FHAD1: variants seen among roughly 807,000 people sequenced by gnomAD.
FHAD1 encodes the protein forkhead-associated domain-containing protein 1.
A neutral mutation model predicts 191.3 loss-of-function variants in FHAD1; 146 were observed. That is an observed-to-expected ratio of 0.76 (90% confidence interval 0.67 to 0.88). The LOEUF (loss-of-function observed/expected upper bound fraction) is 0.88, where lower values mean the gene tolerates loss of function less well. FHAD1 is among the 40% of genes least tolerant of loss of function. The pLI, the probability that FHAD1 is intolerant of heterozygous loss-of-function variation, is 0.00. For synonymous variants in FHAD1, 616 were observed against 672.3 expected (o/e 0.92, Z 1.29); for missense variants, 1,635 against 1,785.8 (o/e 0.92, Z 1.52).
At chr1:15,242,713 G>A (rs1645534049), upstream of FHAD1, among the ~76,000 whole-genome samples, 1 of 152,178 alleles carries the variant, frequency 6.6e-6, no homozygotes, top group Non-Finnish European at 1.5e-5. Context: ...CAGAGATCAG[G>A]TTTGTTCTGG....
At position 15,345,106 on chromosome 1, in the gene FHAD1, A is replaced by G; in HGVS notation, c.2154A>G (p.Gln718=). 1 of 1,551,802 alleles carries G rather than the reference A, an allele frequency of 6.4e-7. No homozygotes were observed. Among genetic ancestry groups the G allele is most frequent in the South Asian group, 1.2e-5 (1 of 84,048 alleles). Residue 718 remains glutamine, a synonymous_variant, in exon 17 of 34, where the codon CAA becomes CAG. Coordinates refer to ENST00000688493, the MANE Select transcript of FHAD1 (RefSeq NM_001391957.1). ...EKAALEEYIT[Q]ERNRAKETLE... ...AGGCTTTGGAGGAGTACATTACTCA[A>G]GAGAGAAACAGAGCGAAAGAGACTT...
chr1:15,288,411 A>G (rs1663269164), intron 3 of FHAD1, among the ~76,000 whole-genome samples: 1 of 152,260 alleles, frequency 6.6e-6, no homozygotes, highest in Non-Finnish European at 1.5e-5. Flanking sequence ...CAGCTGGAGC[A>G]TCTTCCCCGG....
chr1:15,361,308 G>A (rs572694888), intron 22 of FHAD1, among the ~76,000 whole-genome samples: 63 of 152,140 alleles, frequency 4.1e-4, no homozygotes, highest in Non-Finnish European at 7.6e-4. Context: ...GGACTGTCCT[G>A]GGCACTATCA....
intron 16 of FHAD1, among the ~76,000 whole-genome samples, chr1:15,343,508 C>A (rs1687645468): frequency 6.6e-6 from 1 of 152,126 alleles, no homozygotes; most frequent in Non-Finnish European, 1.5e-5. Context: ...CAGACCTCTC[C>A]CTCTTTCATC....
intron 7 of FHAD1, among the ~76,000 whole-genome samples, chr1:15,310,993 G>GA (rs894525692): frequency 1.3e-5 from 2 of 152,092 alleles, no homozygotes; most frequent in Non-Finnish European, 2.9e-5. Context: ...CAAACAAACA[G>GA]AAAAAAATGT....
chr1:15,273,442 C>G (rs1656977048), intron 3 of FHAD1, among the ~76,000 whole-genome samples: 1 of 152,020 alleles, frequency 6.6e-6, no homozygotes, highest in Admixed American at 6.6e-5. Flanking sequence ...TTGCCACAAC[C>G]AAGACATTAA....
chr1:15,315,322 T>C (rs1302455164), intron 8 of FHAD1: 3 of 152,092 alleles, frequency 2.0e-5, no homozygotes, highest in South Asian at 2.1e-4. Flanking sequence ...GTAACAGATA[T>C]ATAACAACAA....
chr1:15,284,401 C>A (rs1219409946), intron 3 of FHAD1, among the ~76,000 whole-genome samples: 1 of 150,860 alleles, frequency 6.6e-6, no homozygotes, highest in African/African-American at 2.4e-5. Flanking sequence ...ATGGCATGAA[C>A]CCGTGAGGCG....
At chr1:15,297,375 C>T (rs1667307746) in intron 5 of FHAD1, among the ~76,000 whole-genome samples, 1 of 152,198 alleles carries the variant, frequency 6.6e-6, no homozygotes, top group Non-Finnish European at 1.5e-5. Context: ...ATATGATAAT[C>T]GACTACTTTT....
chr1:15,338,635 TGTTCTGAAGCGCCCTCCCCC>T (rs1390700690), intron 14 of FHAD1, among the ~76,000 whole-genome samples: 2 of 152,138 alleles, frequency 1.3e-5, no homozygotes, highest in East Asian at 1.9e-4. Flanking sequence ...CGCGCACCCC[TGTTCTGAAGCGCCCTCCCCC>T]GGCTCTCTGA....
intron 16 of FHAD1, 99 bp from the exon 17 acceptor site, chr1:15,344,984 T>G: frequency 2.3e-6 from 2 of 864,760 alleles, no homozygotes; most frequent in Non-Finnish European, 3.7e-6. Context: ...CCCAGGGGAG[T>G]GCGGTGAGGA....
chr1:15,241,202 T>C (rs1230206775), intron 1 of FHAD1, among the ~76,000 whole-genome samples: 3 of 152,102 alleles, frequency 2.0e-5, no homozygotes, highest in Non-Finnish European at 1.5e-5. Flanking sequence ...ACCAATACAA[T>C]GGAATACGAC....
chr1:15,312,927 T>C lies in FHAD1; in HGVS notation c.1040-130T>C, dbSNP rs1672737176. Reference sequence around the variant, plus strand: ...GCAGTGGATATTGGTCTCAACCCCATTCAAGCTCCTGGGATCCTTGGAGAC... The same window carrying C: ...GCAGTGGATATTGGTCTCAACCCCACTCAAGCTCCTGGGATCCTTGGAGAC... On this transcript the variant is annotated intron_variant, in intron 7 of 33. Coordinates refer to ENST00000688493, the MANE Select transcript of FHAD1 (RefSeq NM_001391957.1). This position sits in a 1 kb window ranked among gnomAD's most constrained non-coding sequence, Gnocchi z 4.7. The C allele has an allele frequency of 8.6e-7, 1 of 1,165,406 alleles. No individual in the cohort carries two copies. Among genetic ancestry groups the C allele is most frequent in the East Asian group, 2.6e-5 (1 of 38,678 alleles). 72.2% of individuals were successfully genotyped at this position (1,165,406 alleles called of 1,614,324 possible). A position where few individuals can be genotyped will look rare whatever the true frequency, so the allele number is the denominator to read the frequency against.
At chr1:15,255,645 CAG>C (rs1425961701) in intron 2 of FHAD1, among the ~76,000 whole-genome samples, 2 of 151,452 alleles carry the variant, frequency 1.3e-5, no homozygotes, top group Non-Finnish European at 2.9e-5. Context: ...AGACATAGGT[CAG>C]AGGATCTGCA....
chr1:15,243,608 G>A (rs1645656525), upstream of FHAD1, among the ~76,000 whole-genome samples: 1 of 152,252 alleles, frequency 6.6e-6, no homozygotes, highest in Admixed American at 6.5e-5. Context: ...CCCAGAGAAG[G>A]TGGCTGGGAA....
chr1:15,373,886 G>A (rs913533145), intron 26 of FHAD1, among the ~76,000 whole-genome samples: 4 of 152,090 alleles, frequency 2.6e-5, no homozygotes, highest in South Asian at 2.1e-4. Flanking sequence ...AAACACACAC[G>A]CACAAAAAAA....
chr1:15,263,161 T>C (rs779516950), intron 2 of FHAD1, among the ~76,000 whole-genome samples: 6 of 152,222 alleles, frequency 3.9e-5, no homozygotes, highest in Admixed American at 6.5e-5. Context: ...TTTTGTTTTG[T>C]TACTGTTGAG....
At chr1:15,317,307 T>G (rs1339271757) in intron 9 of FHAD1, among the ~76,000 whole-genome samples, 1 of 152,224 alleles carries the variant, frequency 6.6e-6, no homozygotes, top group Non-Finnish European at 1.5e-5. Context: ...GAATCCACCC[T>G]GCACATCACC....
chr1:15,260,346 G>A (rs998893614), intron 2 of FHAD1, among the ~76,000 whole-genome samples: 1 of 152,214 alleles, frequency 6.6e-6, no homozygotes, highest in Non-Finnish European at 1.5e-5. Context: ...TGCCTGGCAG[G>A]TGGTTAATAC....
Sources: allele counts gnomAD v4.1 joint callset (sites outside exome capture counted in the v4.1 genomes callset), GRCh38; gene constraint gnomAD v4.1.1; non-coding constraint Gnocchi (gnomAD v3.1); transcripts MANE v1.5; gene names NCBI Gene and HGNC (gene_info 2026-07-23, HGNC 2026-07-21).